TSC22D1: variants seen among roughly 807,000 people sequenced by gnomAD.
The protein encoded by TSC22D1 is TSC22 domain family member 1.
TSC22D1 carries 9 observed loss-of-function variants against 74.2 expected under a neutral mutation model. The observed-to-expected ratio is 0.12, with a 90% CI of 0.07 to 0.21. The LOEUF is 0.21. Among genes scored for constraint, TSC22D1 ranks in the 10% least tolerant of loss-of-function variants. The probability of loss-of-function intolerance (pLI) is 1.00; values close to 1 mark genes in which losing one functional copy is unlikely to be tolerated. For synonymous variants in TSC22D1, 586 were observed against 492.5 expected (o/e 1.19, Z -2.51); for missense variants, 1,427 against 1,304.7 (o/e 1.09, Z -1.44).
Position 44,574,554 on chromosome 13 carries a change from C to CTGT in TSC22D1, c.1518_1520dup (p.Gln509dup), listed in dbSNP as rs541782956. 3.7e-4 allele frequency: 594 copies of CTGT among 1,613,912 alleles called. 1 individual carries two copies. The African/African-American group carries it at 5.3e-3, about 14-fold the overall frequency. ...TCACACCTTGGAGAGCTGGTTGTTG[C>CTGT]TGTTGTTGTTGTTGTTGCTGCTGCT... On this transcript the variant is annotated inframe_insertion, in exon 1 of 3. Coordinates refer to ENST00000458659, the MANE Select transcript of TSC22D1 (RefSeq NM_183422.4).
chr13:44,522,642 A>T (rs1880369967), intron 1 of TSC22D1, among the ~76,000 whole-genome samples: 1 of 152,220 alleles, frequency 6.6e-6, no homozygotes, highest in Non-Finnish European at 1.5e-5. Flanking sequence ...AAAAGGAAAA[A>T]TAATCTATCC....
chr13:44,573,360 T>C lies in TSC22D1; in HGVS notation c.2715A>G (p.Ala905=), dbSNP rs1388557954. ...TQFSAQSLAQ[A]IGSQIEDARR... is the part of the protein sequence containing the mutation. ...TGGCATCTTCAATTTGGCTTCCAATTGCCTGAGCTAATGATTGTGCGGAGA... is the reference window on the plus strand; with the variant it reads ...TGGCATCTTCAATTTGGCTTCCAATCGCCTGAGCTAATGATTGTGCGGAGA... Residue 905 remains alanine (A), a synonymous_variant, in exon 1 of 3, where the codon GCA becomes GCG. Transcript: ENST00000458659. 1 of 1,614,260 alleles carries C rather than the reference T, an allele frequency of 6.2e-7. No individual in the cohort carries two copies. Among genetic ancestry groups the C allele is most frequent in the Non-Finnish European group, 8.5e-7 (1 of 1,180,042 alleles).
chr13:44,573,409 T>C lies in TSC22D1; in HGVS notation c.2666A>G (p.Gln889Arg), dbSNP rs1473884552. 1.2e-6 allele frequency: 2 copies of C among 1,614,254 alleles called. No individual in the cohort carries two copies. Among genetic ancestry groups the C allele is most frequent in the South Asian group, 2.2e-5 (2 of 91,090 alleles). The change falls in exon 1 of 3, where the codon CAG (glutamine) becomes CGG (arginine). Residue 889 changes from glutamine to arginine, a missense_variant. Transcript: ENST00000458659. ...GAACTGGGTAGAACTTAGTGGTATCTGTTGTGCCAAAGGCAAATTTGTATT... is the reference window on the plus strand; with the variant it reads ...GAACTGGGTAGAACTTAGTGGTATCCGTTGTGCCAAAGGCAAATTTGTATT... ...ATNTNLPLAQ[Q>R]IPLSSTQFSA... is the part of the protein sequence containing the mutation.
At chr13:44,512,299 A>G (rs940951449) in intron 1 of TSC22D1, among the ~76,000 whole-genome samples, 2 of 152,042 alleles carry the variant, frequency 1.3e-5, no homozygotes, top group Non-Finnish European at 2.9e-5. Flanking sequence ...CCTCCCGAGT[A>G]GCTGGGACTA....
At chr13:44,475,948 C>T (rs533108192) in intron 1 of TSC22D1, among the ~76,000 whole-genome samples, 3 of 152,086 alleles carry the variant, frequency 2.0e-5, no homozygotes, top group Non-Finnish European at 4.4e-5. Context: ...GTGAAAATGA[C>T]AAAACCTTAG....
Position 44,433,862 on chromosome 13 carries a change from A to G in TSC22D1, c.*764T>C, listed in dbSNP as rs1874267735. On this transcript the variant is annotated 3_prime_UTR_variant, in exon 3 of 3. Coordinates refer to ENST00000458659, the MANE Select transcript of TSC22D1 (RefSeq NM_183422.4). Reference sequence around the variant, plus strand: ...TGTAGCAGTTTTTATGTAGATCTATATATAAAAGTCCACACCTCCTCAGAC... The same window carrying G: ...TGTAGCAGTTTTTATGTAGATCTATGTATAAAAGTCCACACCTCCTCAGAC... 1.1e-6 allele frequency: 1 copy of G among 937,490 alleles called. No homozygotes were observed. Among genetic ancestry groups the G allele is most frequent in the African/African-American group, 1.7e-5 (1 of 57,634 alleles). The allele number at this position is 937,490 out of a possible 1,614,324, so 58.1% of individuals were successfully genotyped here.
In TSC22D1 at chr13:44,495,427, G is replaced by A. The variant is rs75946407; in HGVS notation, c.2913-59332C>T. 3.7e-3 allele frequency among the ~76,000 whole-genome samples: 557 copies of A among 152,158 alleles called. 1 individual carries two copies. The highest frequency in any genetic ancestry group is 0.01 in the Middle Eastern group (3 of 294). On this transcript the variant is annotated intron_variant, in intron 1 of 2. Transcript: ENST00000458659. ...GTGATGCTAAAGAAGTCCTTCAGGTGGAAATGAAAGGATGCTAGATAATAA... is the reference window on the plus strand; with the variant it reads ...GTGATGCTAAAGAAGTCCTTCAGGTAGAAATGAAAGGATGCTAGATAATAA...
At chr13:44,537,343 T>C in intron 1 of TSC22D1, 3 of 985,082 alleles carry the variant, frequency 3.0e-6, no homozygotes, top group South Asian at 4.7e-5. Context: ...AATAAATAGC[T>C]TGTAGTGGCA....
intron 1 of TSC22D1, among the ~76,000 whole-genome samples, chr13:44,498,439 T>C (rs1434570274): frequency 1.3e-5 from 2 of 152,176 alleles, no homozygotes; most frequent in East Asian, 3.8e-4. Flanking sequence ...TCTCATTCAG[T>C]TTCCAATTCT....
At position 44,434,751 on chromosome 13, in the gene TSC22D1, G is replaced by A. The variant is rs748605653; in HGVS notation, c.3097C>T (p.Pro1033Ser). 2 of 1,613,974 alleles carry A rather than the reference G, an allele frequency of 1.2e-6. No homozygotes were observed. Reference protein sequence around the residue: ...ENNLLKTLASPEQLAQFQAQL... With the variant: ...ENNLLKTLASSEQLAQFQAQL... ...GCCTGAAACTGGGCAAGCTGCTCAG[G>A]ACTGGCCAGTGTCTTCAGCAGATTG... Residue 1033 changes from proline (P) to serine (S), a missense_variant, in exon 3 of 3, where the codon CCT becomes TCT. Transcript: ENST00000458659.
chr13:44,436,432 GCTAT>G (rs1874635638), intron 1 of TSC22D1: 3 of 1,531,948 alleles, frequency 2.0e-6, no homozygotes, highest in African/African-American at 1.4e-5. Context: ...AATTCGCCTG[GCTAT>G]CTTTCACCTG....
intron 1 of TSC22D1, among the ~76,000 whole-genome samples, chr13:44,471,477 C>G (rs1397951962): frequency 6.6e-6 from 1 of 152,142 alleles, no homozygotes; most frequent in Non-Finnish European, 1.5e-5. Flanking sequence ...GCAAAACTTA[C>G]TAGATAGCAT....
chr13:44,517,853 A>ATT (rs1438542551), intron 1 of TSC22D1, among the ~76,000 whole-genome samples: 13 of 23,268 alleles, frequency 5.6e-4, no homozygotes, highest in African/African-American at 1.3e-3. Flanking sequence ...ATATATATAT[A>ATT]TATATTTTTT....
intron 1 of TSC22D1, among the ~76,000 whole-genome samples, chr13:44,550,401 G>A (rs979895609): frequency 6.6e-6 from 1 of 152,026 alleles, no homozygotes; most frequent in African/African-American, 2.4e-5. Flanking sequence ...GACTAACATG[G>A]TGAAATCCCA....
intron 1 of TSC22D1, chr13:44,537,881 G>C: frequency 1.0e-6 from 1 of 985,052 alleles, no homozygotes; most frequent in Non-Finnish European, 1.2e-6. Context: ...CATTTTAGCT[G>C]CTTCCATATT....
chr13:44,574,953 G>A lies in TSC22D1; in HGVS notation c.1122C>T (p.Ser374=), dbSNP rs571802454. 36 of 1,613,976 alleles carry A rather than the reference G, an allele frequency of 2.2e-5. No homozygotes were observed. The highest frequency in any genetic ancestry group is 8.0e-5 in the African/African-American group (6 of 74,918). The change falls in exon 1 of 3, where the codon TCC becomes TCT. Residue 374 remains serine, a synonymous_variant. Transcript: ENST00000458659. ...TAGGAACACTGCTAACAGCAGCAGAGGAAGAAATAGTACCATTGCCCATGC... is the reference window on the plus strand; with the variant it reads ...TAGGAACACTGCTAACAGCAGCAGAAGAAGAAATAGTACCATTGCCCATGC... ...LSGMGNGTIS[S]SAAVSSVPNA... is the part of the protein sequence containing the mutation.
chr13:44,538,478 T>C, intron 1 of TSC22D1: 1 of 985,430 alleles, frequency 1.0e-6, no homozygotes, highest in Non-Finnish European at 1.2e-6. Context: ...AAAAAATGTT[T>C]GCCTACTTCA....
chr13:44,525,911 G>C (rs958063013), intron 1 of TSC22D1, among the ~76,000 whole-genome samples: 2 of 152,012 alleles, frequency 1.3e-5, no homozygotes, highest in African/African-American at 2.4e-5. Flanking sequence ...AACCTAGTCT[G>C]GACAACATGG....
Position 44,573,458 on chromosome 13 carries a change from T to C in TSC22D1, c.2617A>G (p.Ser873Gly). 4 of 1,614,244 alleles carry C rather than the reference T, an allele frequency of 2.5e-6. No homozygotes were observed. The highest frequency in any genetic ancestry group is 3.4e-6 in the Non-Finnish European group (4 of 1,180,044). The change falls in exon 1 of 3, where the codon AGT (serine) becomes GGT (glycine). Residue 873 changes from serine (S) to glycine (G), a missense_variant. Around this residue, in one of 3 missense-constraint regions of TSC22D1, gnomAD observed 1,343 missense variants for 1,191.5 expected, o/e 1.13. Transcript: ENST00000458659. Reference protein sequence around the residue: ...TQNGNLVQSVSQPPLIATNTN... With the variant: ...TQNGNLVQSVGQPPLIATNTN... The stretch of plus-strand genomic sequence containing the variant: ...TTAGTTGCTATCAAGGGAGGTTGAC[T>C]AACACTTTGAACCAAATTACCATTT...
Sources: gnomAD v4.1 joint callset for allele counts (sites outside exome capture counted in the v4.1 genomes callset) on GRCh38, gnomAD v4.1.1 for gene constraint, gnomAD v4.1.1 regional missense constraint, MANE v1.5 for transcripts, NCBI Gene and HGNC (gene_info 2026-07-23, HGNC 2026-07-21) for gene names.